The following ANKFN1 variants were observed in gnomAD, a reference collection of about 807,000 sequenced individuals.
ANKFN1 encodes ankyrin repeat and fibronectin type III domain containing 1, also known as ankyrin repeat and fibronectin type-III domain-containing protein 1.
ANKFN1 carries 74 observed loss-of-function variants against 108.7 expected under a neutral mutation model. The observed-to-expected ratio is 0.68, with a 90% CI of 0.56 to 0.83. ANKFN1 has a LOEUF of 0.83. Ranked by LOEUF, ANKFN1 falls within the 40% of genes least tolerant of loss-of-function variation. The pLI is 0.00. For missense variants in ANKFN1, 1,505 were observed against 1,382.3 expected, an observed-to-expected ratio of 1.09 and a Z score of -1.41; for synonymous variants, 547 against 516.2, an observed-to-expected ratio of 1.06 and a Z score of -0.81.
intron 8 of ANKFN1, among the ~76,000 whole-genome samples, chr17:56,412,520 G>C (rs944928829): frequency 4.6e-5 from 7 of 152,202 alleles, no homozygotes; most frequent in Admixed American, 3.9e-4. Context: ...TCAGCTACCA[G>C]CATGGCTAGG....
chr17:56,175,304 G>GTTTTGT (rs1304161231), intron 1 of ANKFN1, among the ~76,000 whole-genome samples: 1 of 152,120 alleles, frequency 6.6e-6, no homozygotes, highest in Non-Finnish European at 1.5e-5. Flanking sequence ...TTTTTGTTTT[G>GTTTTGT]TTTTGTTTTT....
At chr17:56,284,781 C>T (rs997126683) in intron 3 of ANKFN1, among the ~76,000 whole-genome samples, 4 of 152,094 alleles carry the variant, frequency 2.6e-5, no homozygotes, top group African/African-American at 7.2e-5. Context: ...GGAGTGTCGA[C>T]GTGTAGAAGT....
chr17:56,332,361 C>G (rs2045687989), intron 4 of ANKFN1, among the ~76,000 whole-genome samples: 1 of 152,112 alleles, frequency 6.6e-6, no homozygotes, highest in South Asian at 2.1e-4. Context: ...CCTGCATTCT[C>G]CAGGCCAATG....
intron 8 of ANKFN1, among the ~76,000 whole-genome samples, chr17:56,390,666 G>C (rs1598511266): frequency 6.6e-6 from 1 of 152,208 alleles, no homozygotes; most frequent in East Asian, 1.9e-4. Flanking sequence ...CCCACCAATA[G>C]TGTAAAAGTG....
chr17:56,199,925 G>A (rs192844786), intron 1 of ANKFN1, among the ~76,000 whole-genome samples: 46 of 152,126 alleles, frequency 3.0e-4, no homozygotes, highest in Middle Eastern at 6.8e-3. Context: ...TTCACATCTG[G>A]GATCACACAT....
chr17:56,385,455 T>C (rs143593194), intron 8 of ANKFN1, among the ~76,000 whole-genome samples: 88,189 of 151,786 alleles, frequency 0.58, 28,804 homozygotes, highest in East Asian at 0.96. Context: ...GCAACAAAAG[T>C]CAAAATTGAC....
chr17:56,295,413 T>C (rs1214064358), intron 3 of ANKFN1, among the ~76,000 whole-genome samples: 1 of 152,200 alleles, frequency 6.6e-6, no homozygotes, highest in Admixed American at 6.5e-5. Context: ...CCTGTATCAG[T>C]ATCACCTGGG....
intron 8 of ANKFN1, among the ~76,000 whole-genome samples, chr17:56,434,458 C>G (rs1012102885): frequency 6.6e-6 from 1 of 150,480 alleles, no homozygotes; most frequent in South Asian, 2.1e-4. Context: ...CATTGTTTTT[C>G]TAGGGAAATT....
chr17:56,499,146 A>G, intron 20 of ANKFN1, 48 bp downstream of exon 20: 1 of 1,504,032 alleles, frequency 6.6e-7, no homozygotes, highest in Non-Finnish European at 8.9e-7. Flanking sequence ...TGGACTTTTG[A>G]TCCTCTCTTC....
intron 3 of ANKFN1, among the ~76,000 whole-genome samples, chr17:56,247,469 A>T (rs1918040746): frequency 6.6e-6 from 1 of 152,174 alleles, no homozygotes. Flanking sequence ...GAAGATAAAT[A>T]CTTCAGAGTG....
intron 2 of ANKFN1, among the ~76,000 whole-genome samples, chr17:56,226,181 A>C (rs1390836013): frequency 6.6e-6 from 1 of 152,154 alleles, no homozygotes; most frequent in Admixed American, 6.6e-5. Flanking sequence ...TTAGTGCCAC[A>C]TGTGAGATCT....
chr17:56,308,845 T>C (rs73311724), intron 3 of ANKFN1, among the ~76,000 whole-genome samples: 5,101 of 152,280 alleles, frequency 0.033, 305 homozygotes, highest in African/African-American at 0.12. Flanking sequence ...TTGCGCCTTT[T>C]ATCTGTTAAT....
chr17:56,451,680 G>A (rs1481201792), intron 11 of ANKFN1, among the ~76,000 whole-genome samples: 1 of 152,138 alleles, frequency 6.6e-6, no homozygotes, highest in East Asian at 1.9e-4. Context: ...TTGCAGGATT[G>A]CTATGAAGAG....
intron 8 of ANKFN1, among the ~76,000 whole-genome samples, chr17:56,397,684 G>C (rs998191925): frequency 5.9e-5 from 9 of 152,192 alleles, no homozygotes; most frequent in African/African-American, 2.2e-4. Flanking sequence ...TCCCCTGTGA[G>C]CCCATGACCT....
intron 15 of ANKFN1, 33 bp from the exon 16 acceptor site, chr17:56,477,455 G>A (rs749271500): frequency 2.1e-6 from 3 of 1,450,892 alleles, no homozygotes; most frequent in South Asian, 2.7e-5. Context: ...TTGTTTTCTT[G>A]TTTTCTTTTT....
intron 4 of ANKFN1, among the ~76,000 whole-genome samples, chr17:56,072,659 G>A (rs1429164110): frequency 6.6e-6 from 1 of 152,176 alleles, no homozygotes; most frequent in African/African-American, 2.4e-5. Context: ...CCTTGTAGCA[G>A]CTTTCTCTTC....
rs1350643024 is a variant in ANKFN1 at position 56,511,122 on chromosome 17, C to T, written c.3294C>T (p.Ala1098=). 3 of 1,535,866 alleles carry T rather than the reference C, an allele frequency of 2.0e-6. No homozygotes were observed. Among genetic ancestry groups the T allele is most frequent in the Non-Finnish European group, 2.6e-6 (3 of 1,146,856 alleles). The change falls in exon 21 of 21, where the codon GCC becomes GCT. Residue 1098 remains alanine (A), a synonymous_variant. Coordinates refer to ENST00000682825, the MANE Select transcript of ANKFN1 (RefSeq NM_001370326.1). ...RRLYVEPYAA[A]VVAQDEKPWA... is the part of the protein sequence containing the mutation. ...TCTACGTGGAGCCCTACGCAGCGGC[C>T]GTGGTGGCCCAGGACGAAAAACCAT...
chr17:56,471,888 G>T (rs1023454351), intron 15 of ANKFN1: 2 of 152,164 alleles, frequency 1.3e-5, no homozygotes, highest in Non-Finnish European at 2.9e-5. Flanking sequence ...AACAGCAGGC[G>T]GAGAGATAGG....
intron 4 of ANKFN1, among the ~76,000 whole-genome samples, chr17:56,136,410 A>G (rs751235345): frequency 6.6e-6 from 1 of 152,196 alleles, no homozygotes; most frequent in Non-Finnish European, 1.5e-5. Context: ...AATTTCCTGG[A>G]CTGTGGCCTG....
Sources: allele counts gnomAD v4.1 joint callset (sites outside exome capture counted in the v4.1 genomes callset), GRCh38; gene constraint gnomAD v4.1.1; transcripts MANE v1.5; gene names NCBI Gene and HGNC (gene_info 2026-07-23, HGNC 2026-07-21).